Variants in MRM2 observed in about 807,000 individuals in gnomAD.
MRM2 encodes the protein mitochondrial rRNA methyltransferase 2, also known as rRNA methyltransferase 2, mitochondrial.
A neutral mutation model predicts 10.9 loss-of-function variants in MRM2; 15 were observed. The ratio of observed to expected loss-of-function variants is 1.37; its 90% CI spans 0.92 to 2.11. The LOEUF (loss-of-function observed/expected upper bound fraction) is 2.11, where lower values mean the gene tolerates loss of function less well. Among genes scored for constraint, MRM2 ranks in the 30% most tolerant of loss-of-function variants. The pLI is 0.00. For missense variants in MRM2, 328 were observed against 321.3 expected (o/e 1.02, Z -0.16); for synonymous variants, 139 against 128.7 (o/e 1.08, Z -0.54).
intron 1 of MRM2, among the ~76,000 whole-genome samples, chr7:2,241,565 G>T (rs781045034): frequency 1.3e-5 from 2 of 152,014 alleles, no homozygotes; most frequent in Non-Finnish European, 2.9e-5. Context: ...GACTTCCAAA[G>T]TGCTGGGATG....
At chr7:2,241,464 T>TA (rs1554259220) in intron 1 of MRM2, among the ~76,000 whole-genome samples, 14 of 151,096 alleles carry the variant, frequency 9.3e-5, no homozygotes, top group Admixed American at 7.9e-4. Context: ...TTTTTTTTTT[T>TA]AATTCTTAAA....
chr7:2,234,549 GT>G lies in MRM2; in HGVS notation c.*572del, dbSNP rs1359904010. The G allele has an allele frequency of 1.3e-5, 2 of 152,856 alleles. No individual in the cohort carries two copies. Among genetic ancestry groups the G allele is most frequent in the Non-Finnish European group, 2.9e-5 (2 of 68,540 alleles). The allele number at this position is 152,856 out of a possible 1,614,324, so 9.5% of individuals were successfully genotyped here. A position where few individuals can be genotyped will look rare whatever the true frequency, so the allele number is the denominator to read the frequency against. On this transcript the variant is annotated 3_prime_UTR_variant, in exon 3 of 3. Coordinates refer to ENST00000242257, the MANE Select transcript of MRM2 (RefSeq NM_013393.3). Reference sequence around the variant, plus strand: ...TTTCATTTTTGTAGACATGGGGGGTGTTGCTATGTTGCCCAGGTTGGTCTTG... The same window carrying G: ...TTTCATTTTTGTAGACATGGGGGGTGTGCTATGTTGCCCAGGTTGGTCTTG...
At chr7:2,240,390 G>A in intron 1 of MRM2, 1 of 353,644 alleles carries the variant, frequency 2.8e-6, no homozygotes, top group Non-Finnish European at 5.7e-6. Flanking sequence ...GGTCTGGCCT[G>A]TCACATTTCT....
In MRM2 at chr7:2,235,552, G is replaced by A; in HGVS notation, c.311C>T (p.Pro104Leu). The A allele has an allele frequency of 6.2e-7, 1 of 1,606,578 alleles. No homozygotes were observed. The highest frequency in any genetic ancestry group is 1.1e-5 in the South Asian group (1 of 90,740). The change falls in exon 3 of 3, where the codon CCT (proline) becomes CTT (leucine). Residue 104 changes from proline to leucine, a missense_variant. Pro to Leu is a moderately conservative substitution (Grantham distance 98, BLOSUM62 -3). Transcript: ENST00000242257. The part of the protein sequence containing the change: ...VNAAGTDPSS[P>L]VGFVLGVDLL... The stretch of plus-strand genomic sequence containing the variant: ...ATCTACCCCAAGCACGAAGCCAACA[G>A]GAGAGCTGGGATCTATGGAAGAAAT...
At position 2,235,341 on chromosome 7, in the gene MRM2, G is replaced by A. The variant is rs748472723; in HGVS notation, c.522C>T (p.Cys174=). The part of the protein sequence containing the change: ...DLDHDRLISL[C]LTLLSVTPDI... ...CTGGGGTCACGCTGAGAAGGGTCAGGCACAGGCTGATGAGCCTGTCATGAT... is the reference window on the plus strand; with the variant it reads ...CTGGGGTCACGCTGAGAAGGGTCAGACACAGGCTGATGAGCCTGTCATGAT... Residue 174 remains cysteine (C), a synonymous_variant, in exon 3 of 3, where the codon TGC becomes TGT. Coordinates refer to ENST00000242257, the MANE Select transcript of MRM2 (RefSeq NM_013393.3). 3 of 1,613,912 alleles carry A rather than the reference G, an allele frequency of 1.9e-6. No homozygotes were observed. Among genetic ancestry groups the A allele is most frequent in the Non-Finnish European group, 2.5e-6 (3 of 1,179,840 alleles).
At chr7:2,238,353 A>C (rs1041848028) in intron 2 of MRM2, 4 of 152,266 alleles carry the variant, frequency 2.6e-5, no homozygotes, top group African/African-American at 9.6e-5. Flanking sequence ...ACTACATGGA[A>C]TAGGATGAAA....
intron 2 of MRM2, among the ~76,000 whole-genome samples, chr7:2,237,742 G>C (rs895219031): frequency 1.3e-5 from 2 of 152,042 alleles, no homozygotes; most frequent in African/African-American, 4.8e-5. Context: ...TGGAGTTCGA[G>C]ACCAGCCTGG....
In MRM2 at chr7:2,235,609, C is replaced by G; in HGVS notation, c.299-45G>C. 7 of 1,355,790 alleles carry G rather than the reference C, an allele frequency of 5.2e-6. No homozygotes were observed. The South Asian group carries it at 8.9e-5, about 17-fold the overall frequency. The allele number at this position is 1,355,790 out of a possible 1,614,324, so 84.0% of individuals were successfully genotyped here. A position where few individuals can be genotyped will look rare whatever the true frequency, so the allele number is the denominator to read the frequency against. Reference sequence around the variant, plus strand: ...TGTGTTATTTATTTACACCCTGAATCTTTTTACAAAAATACAGTACATGCA... The same window carrying G: ...TGTGTTATTTATTTACACCCTGAATGTTTTTACAAAAATACAGTACATGCA... On this transcript the variant is annotated intron_variant, in intron 2 of 2. Transcript: ENST00000242257.
intron 2 of MRM2, 27 bp from the exon 3 acceptor site, chr7:2,235,591 T>G (rs764298191): frequency 9.5e-6 from 14 of 1,468,216 alleles, no homozygotes; most frequent in Non-Finnish European, 1.3e-5. Flanking sequence ...GAATGTGTTA[T>G]TTATTTACAC....
intron 1 of MRM2, among the ~76,000 whole-genome samples, chr7:2,240,692 G>A (rs1584628151): frequency 6.6e-6 from 1 of 151,550 alleles, no homozygotes; most frequent in Admixed American, 6.6e-5. Context: ...CCTCACCAAG[G>A]AAGTTCTATG....
At chr7:2,239,916 C>T (rs1383961542) in intron 1 of MRM2, among the ~76,000 whole-genome samples, 1 of 152,152 alleles carries the variant, frequency 6.6e-6, no homozygotes, top group Non-Finnish European at 1.5e-5. Flanking sequence ...ATGTCCTAAC[C>T]CTTGGTACCT....
intron 1 of MRM2, chr7:2,241,190 T>G (rs1303853334): frequency 6.7e-6 from 1 of 149,112 alleles, no homozygotes; most frequent in Non-Finnish European, 1.5e-5. Context: ...TCAGTAGAGA[T>G]GGGATTTCAC....
Position 2,235,158 on chromosome 7 carries a change from T to G in MRM2, c.705A>C (p.Thr235=), listed in dbSNP as rs368563861. 1 of 1,613,958 alleles carries G rather than the reference T, an allele frequency of 6.2e-7. No individual in the cohort carries two copies. Residue 235 remains threonine, a synonymous_variant, in exon 3 of 3, where the codon ACA becomes ACC. Transcript: ENST00000242257. ...KESSEVYFLA[T]QYHGRKGTVK... is the part of the protein sequence containing the mutation. ...CAGTGCCCTTCCTTCCGTGGTACTG[T>G]GTGGCCAAGAAGTACACTTCTGATG... is the stretch of plus-strand genomic sequence containing the variant.
In MRM2 at chr7:2,234,880, A is replaced by G. The variant is rs1471018388; in HGVS notation, c.*242T>C. ...CTTCCATCCTCACCTCTTTCTCTTG[A>G]TAACTTTCTCTTCCCAAATCACAAT... is the stretch of plus-strand genomic sequence containing the variant. On this transcript the variant is annotated 3_prime_UTR_variant, in exon 3 of 3. Coordinates refer to ENST00000242257, the MANE Select transcript of MRM2 (RefSeq NM_013393.3). 4 of 524,850 alleles carry G rather than the reference A, an allele frequency of 7.6e-6. No individual in the cohort carries two copies. Among genetic ancestry groups the G allele is most frequent in the East Asian group, 3.3e-5 (1 of 30,168 alleles). 32.5% of individuals were successfully genotyped at this position (524,850 alleles called of 1,614,324 possible). A position where few individuals can be genotyped will look rare whatever the true frequency, so the allele number is the denominator to read the frequency against.
In MRM2 at chr7:2,238,999, ATATATATATATATATATATATATATAT is replaced by A. The variant is rs1562401637; in HGVS notation, c.298+392_298+418del. 2.5e-3 allele frequency: 199 copies of A among 79,066 alleles called. 21 individuals are homozygous for A. The highest frequency in any genetic ancestry group is 2.3e-3 in the Admixed American group (14 of 6,060). The allele number at this position is 79,066 out of a possible 1,614,324, so 4.9% of individuals were successfully genotyped here. ...TAATTATATATATATATATATATAT[ATATATATATATATATATATATATATAT>A]ATAATACATATATGTATGTATCATT... On this transcript the variant is annotated intron_variant, in intron 2 of 2. Coordinates refer to ENST00000242257, the MANE Select transcript of MRM2 (RefSeq NM_013393.3).
intron 2 of MRM2, among the ~76,000 whole-genome samples, chr7:2,235,877 C>G (rs1794411796): frequency 6.6e-6 from 1 of 152,196 alleles, no homozygotes; most frequent in Admixed American, 6.5e-5. Context: ...CATTTCACTA[C>G]CCAAGGCTCA....
At chr7:2,236,174 G>A (rs1477016465) in intron 2 of MRM2, among the ~76,000 whole-genome samples, 4 of 152,174 alleles carry the variant, frequency 2.6e-5, no homozygotes, top group African/African-American at 9.7e-5. Flanking sequence ...AGGTTGCAGT[G>A]AGCCAAGATC....
At chr7:2,236,476 C>T (rs1214754891) in intron 2 of MRM2, among the ~76,000 whole-genome samples, 3 of 152,088 alleles carry the variant, frequency 2.0e-5, no homozygotes, top group African/African-American at 7.2e-5. Flanking sequence ...ATTACTTGAG[C>T]CCAGGAGTTC....
chr7:2,235,404 G>A lies in MRM2; in HGVS notation c.459C>T (p.Ser153=), dbSNP rs150122171. 352 of 1,613,932 alleles carry A rather than the reference G, an allele frequency of 2.2e-4. No homozygotes were observed. The highest frequency in any genetic ancestry group is 2.9e-4 in the Non-Finnish European group (340 of 1,180,030). Residue 153 remains serine (S), a synonymous_variant, in exon 3 of 3, where the codon AGC becomes AGT. Coordinates refer to ENST00000242257, the MANE Select transcript of MRM2 (RefSeq NM_013393.3). ...LPGRRADVIL[S]DMAPNATGFR... is the part of the protein sequence containing the mutation. ...ACCCTGTGGCATTGGGCGCCATGTC[G>A]CTCAGAATCACATCTGCTCTCCTGC...
Sources: allele counts gnomAD v4.1 joint callset (sites outside exome capture counted in the v4.1 genomes callset), GRCh38; gene constraint gnomAD v4.1.1; transcripts MANE v1.5; gene names NCBI Gene and HGNC (gene_info 2026-07-23, HGNC 2026-07-21).